Variants in PTPA observed in about 807,000 individuals in gnomAD.
PTPA encodes the protein serine/threonine-protein phosphatase 2A activator.
A neutral mutation model predicts 43.6 loss-of-function variants in PTPA; 13 were observed. The ratio of observed to expected loss-of-function variants is 0.30; its 90% CI spans 0.19 to 0.47. The LOEUF (loss-of-function observed/expected upper bound fraction) is 0.47. Ranked by LOEUF, PTPA falls within the 20% of genes least tolerant of loss-of-function variation. The pLI is 0.99. For synonymous variants in PTPA, 172 were observed against 158.2 expected, an observed-to-expected ratio of 1.09 and a Z score of -0.66; for missense variants, 329 against 411.9, an observed-to-expected ratio of 0.80 and a Z score of 1.74.
chr9:129,134,946 T>G, intron 6 of PTPA, 52 bp downstream of exon 6: 1 of 1,469,814 alleles, frequency 6.8e-7, no homozygotes. Context: ...GGCCATCTGT[T>G]TCCTCCTCAA....
At chr9:129,134,296 C>CGTT (rs1850200279) in intron 5 of PTPA, among the ~76,000 whole-genome samples, 2 of 56,886 alleles carry the variant, frequency 3.5e-5, no homozygotes, top group East Asian at 9.1e-4. Context: ...ACTGGTAGTT[C>CGTT]TTTTTTTTTT....
Position 129,120,510 on chromosome 9 carries a change from A to G in PTPA, c.32-3A>G. ...GTTTGTTTTTTCATTTTTTTTTGTC[A>G]AGATTCTTCAGAGGAGGCCCCTCCA... On this transcript the variant is annotated splice_polypyrimidine_tract_variant and splice_region_variant and intron_variant, in intron 1 of 9. Transcript: ENST00000393370. The G allele has an allele frequency of 6.2e-7, 1 of 1,604,024 alleles. No individual in the cohort carries two copies. The highest frequency in any genetic ancestry group is 8.5e-7 in the Non-Finnish European group (1 of 1,174,664).
At chr9:129,141,480 A>G (rs1027657975) in intron 8 of PTPA, among the ~76,000 whole-genome samples, 4 of 151,764 alleles carry the variant, frequency 2.6e-5, no homozygotes, top group Admixed American at 6.5e-5. Context: ...AATGCTGCCT[A>G]TGAGCTGGGG....
intron 9 of PTPA, chr9:129,143,621 T>C (rs777842450): frequency 3.2e-5 from 19 of 595,856 alleles, no homozygotes; most frequent in Non-Finnish European, 4.5e-5. Context: ...TAATGAGGCT[T>C]GAACTGAACA....
At chr9:129,126,519 T>C (rs1048041632) in intron 3 of PTPA, among the ~76,000 whole-genome samples, 1 of 152,168 alleles carries the variant, frequency 6.6e-6, no homozygotes, top group Non-Finnish European at 1.5e-5. Context: ...CCTCCTCTTA[T>C]GGGGGTTAAC....
At chr9:129,142,338 T>TGG in intron 8 of PTPA, 107 bp from the exon 9 acceptor site, 1 of 794,544 alleles carries the variant, frequency 1.3e-6, no homozygotes, top group Non-Finnish European at 2.0e-6. Context: ...GCGTGTGCGT[T>TGG]TGTGTGTGTG....
chr9:129,142,058 G>A (rs779497066), intron 8 of PTPA: 2 of 175,466 alleles, frequency 1.1e-5, no homozygotes, highest in Admixed American at 6.3e-5. Context: ...CTGGGGAGTC[G>A]GTGGGAACGA....
intron 9 of PTPA, chr9:129,142,877 C>A: frequency 6.6e-7 from 1 of 1,509,580 alleles, no homozygotes; most frequent in South Asian, 1.2e-5. Flanking sequence ...TGGCCAAAGG[C>A]TCCTCAAAGC....
At chr9:129,111,843 T>G (rs1588474079) in intron 1 of PTPA, 1 of 1,191,268 alleles carries the variant, frequency 8.4e-7, no homozygotes. Context: ...AAAGGGGTGG[T>G]GATTGGGGCG....
At chr9:129,136,688 C>T in intron 7 of PTPA, 93 bp downstream of exon 7, 1 of 1,400,146 alleles carries the variant, frequency 7.1e-7, no homozygotes, top group Non-Finnish European at 9.5e-7. Context: ...TCCTTCCCTT[C>T]TTCCTGCCCA....
chr9:129,117,464 C>T (rs6478863), intron 1 of PTPA, among the ~76,000 whole-genome samples: 90,137 of 151,460 alleles, frequency 0.6, 28,700 homozygotes, highest in Non-Finnish European at 0.7. Context: ...AGTGCAGTGG[C>T]GTGATCTTGG....
intron 3 of PTPA, among the ~76,000 whole-genome samples, chr9:129,127,040 C>T (rs1849626811): frequency 6.6e-6 from 1 of 152,184 alleles, no homozygotes; most frequent in South Asian, 2.1e-4. Flanking sequence ...TAGGTCTGGC[C>T]TGTGCTTATC....
intron 1 of PTPA, among the ~76,000 whole-genome samples, chr9:129,116,238 G>T (rs190640487): frequency 6.6e-6 from 1 of 151,676 alleles, no homozygotes; most frequent in Non-Finnish European, 1.5e-5. Context: ...AGGCTGGAGT[G>T]CAGTGGCGCG....
Position 129,147,410 on chromosome 9 carries a change from C to T in PTPA, c.918C>T (p.Ile306=), listed in dbSNP as rs779281202. 5 of 1,614,036 alleles carry T rather than the reference C, an allele frequency of 3.1e-6. No individual in the cohort carries two copies. In the South Asian group the frequency reaches 4.4e-5, roughly 14 times the overall value. The change falls in exon 10 of 10, where the codon ATC becomes ATT. Residue 306 remains isoleucine, a synonymous_variant. Coordinates refer to ENST00000393370, the MANE Select transcript of PTPA (RefSeq NM_178000.3). ...AGTGCCTGGAGAAGTTCCCTGTGAT[C>T]CAGCACTTCAAGTTCGGGAGCCTGC... ...KAECLEKFPV[I]QHFKFGSLLP...
chr9:129,113,574 G>A (rs1848683704), intron 1 of PTPA, among the ~76,000 whole-genome samples: 1 of 151,804 alleles, frequency 6.6e-6, no homozygotes, highest in Non-Finnish European at 1.5e-5. Flanking sequence ...TTCGAGACCA[G>A]CCATGGCCAA....
At chr9:129,128,054 T>A in intron 3 of PTPA, 2 of 1,337,966 alleles carry the variant, frequency 1.5e-6, no homozygotes, top group South Asian at 2.4e-5. Context: ...CGCCGGGCAC[T>A]GTGCACCTTC....
At chr9:129,136,659 C>T (rs1850390965) in intron 7 of PTPA, 64 bp downstream of exon 7, 10 of 1,501,472 alleles carry the variant, frequency 6.7e-6, no homozygotes, top group Admixed American at 4.0e-5. Context: ...TGGCCCTCCC[C>T]TGCCCCTCCT....
Position 129,147,504 on chromosome 9 carries a change from G to A in PTPA, c.*40G>A, listed in dbSNP as rs748029433. 6.9e-6 allele frequency: 11 copies of A among 1,586,532 alleles called. No individual in the cohort carries two copies. Among genetic ancestry groups the A allele is most frequent in the Middle Eastern group, 1.9e-4 (1 of 5,282 alleles). ...AAGAGCCACCCAGGCCACAGTTCCT[G>A]TGCCTGCCTTCCCCACCCCAGCAGT... On this transcript the variant is annotated 3_prime_UTR_variant, in exon 10 of 10. Coordinates refer to ENST00000393370, the MANE Select transcript of PTPA (RefSeq NM_178000.3).
At chr9:129,134,980 G>A (rs1588517363) in intron 6 of PTPA, 86 bp downstream of exon 6, 4 of 1,092,380 alleles carry the variant, frequency 3.7e-6, no homozygotes, top group East Asian at 4.7e-5. Flanking sequence ...GTGCTCTAGG[G>A]TTCTCCTGAG....
Sources: gnomAD v4.1 joint callset for allele counts (sites outside exome capture counted in the v4.1 genomes callset) on GRCh38, gnomAD v4.1.1 for gene constraint, MANE v1.5 for transcripts, NCBI Gene and HGNC (gene_info 2026-07-23, HGNC 2026-07-21) for gene names.